Variants in RNGTT observed in about 807,000 individuals in gnomAD.
RNGTT encodes the protein RNA guanylyltransferase and 5'-phosphatase.
In RNGTT, 33 loss-of-function variants were observed where a neutral mutation model predicts 79.3. That is an observed-to-expected ratio of 0.42 (90% CI 0.32 to 0.56). The LOEUF is 0.56. Ranked by LOEUF, RNGTT falls within the 20% of genes least tolerant of loss-of-function variation. RNGTT has a pLI of 0.17. For synonymous variants in RNGTT, 222 were observed against 235.9 expected (o/e 0.94, Z 0.54); for missense variants, 497 against 739.1 (o/e 0.67, Z 3.80).
chr6:88,866,904 G>T (rs2127917548), intron 8 of RNGTT, among the ~76,000 whole-genome samples: 1 of 152,258 alleles, frequency 6.6e-6, no homozygotes, highest in African/African-American at 2.4e-5. Flanking sequence ...CTAGGTATGG[G>T]ACCTTGTAAA....
rs55649343 is a variant in RNGTT, at chr6:88,740,217, G to T, written c.1439+29557C>A. Among the ~76,000 whole-genome samples the T allele has an allele frequency of 2.7e-3, 407 of 152,066 alleles. 3 individuals carry two copies. Among genetic ancestry groups the T allele is most frequent in the African/African-American group, 9.5e-3 (396 of 41,504 alleles). On this transcript the variant is annotated intron_variant, in intron 13 of 15. Coordinates refer to ENST00000369485, the MANE Select transcript of RNGTT (RefSeq NM_003800.5). Reference sequence around the variant, plus strand: ...GAAAGGGAACAGCAGAATTAAAAGCGATCAAAAAATGAAAACGGGATCAGG... The same window carrying T: ...GAAAGGGAACAGCAGAATTAAAAGCTATCAAAAAATGAAAACGGGATCAGG...
Position 88,963,601 on chromosome 6 carries a change from C to T in RNGTT, c.-192G>A. ...TCATTCAGGATCAACTCCACAGCTC[C>T]AGGAGAACCCACAATGCACCGCAAC... On this transcript the variant is annotated 5_prime_UTR_variant, in exon 1 of 16. Coordinates refer to ENST00000369485, the MANE Select transcript of RNGTT (RefSeq NM_003800.5). 1 of 511,064 alleles carries T rather than the reference C, an allele frequency of 2.0e-6. No individual in the cohort carries two copies. Among genetic ancestry groups the T allele is most frequent in the South Asian group, 2.9e-5 (1 of 34,974 alleles). The allele number at this position is 511,064 out of a possible 1,614,324, so 31.7% of individuals were successfully genotyped here.
intron 13 of RNGTT, among the ~76,000 whole-genome samples, chr6:88,757,251 T>C (rs1778050605): frequency 6.6e-6 from 1 of 152,204 alleles, no homozygotes; most frequent in South Asian, 2.1e-4. Context: ...GGAGAAAAGA[T>C]CCACAACAAA....
Position 88,831,308 on chromosome 6 carries a change from C to T in RNGTT, c.1269+13049G>A, listed in dbSNP as rs1170287768. 3.9e-5 allele frequency among the ~76,000 whole-genome samples: 6 copies of T among 152,168 alleles called. No individual in the cohort carries two copies. In the East Asian group the frequency reaches 1.2e-3, roughly 29 times the overall value. Reference sequence around the variant, plus strand: ...ACATACGCAAATCAATAAATGTAATCCATCACATAAACAGAACCAATGACA... The same window carrying T: ...ACATACGCAAATCAATAAATGTAATTCATCACATAAACAGAACCAATGACA... On this transcript the variant is annotated intron_variant, in intron 11 of 15. Coordinates refer to ENST00000369485, the MANE Select transcript of RNGTT (RefSeq NM_003800.5).
intron 8 of RNGTT, among the ~76,000 whole-genome samples, chr6:88,873,082 AAAAG>A (rs1337084294): frequency 2.6e-5 from 4 of 152,294 alleles, no homozygotes; most frequent in East Asian, 1.9e-4. Flanking sequence ...ACAGAAAAAA[AAAAG>A]AAAGAAAGTA....
intron 13 of RNGTT, among the ~76,000 whole-genome samples, chr6:88,765,191 C>CAA (rs11286162): frequency 2.7e-4 from 23 of 84,372 alleles, no homozygotes; most frequent in African/African-American, 7.8e-4. Flanking sequence ...GACTCCATCT[C>CAA]AAAAAAAAAA....
chr6:88,788,395 C>A (rs1022482645), intron 12 of RNGTT, among the ~76,000 whole-genome samples: 1 of 151,710 alleles, frequency 6.6e-6, no homozygotes, highest in African/African-American at 2.4e-5. Context: ...GTCACAGATG[C>A]CATAAAAGAA....
chr6:88,812,441 C>T (rs1340782913), intron 11 of RNGTT, among the ~76,000 whole-genome samples: 2 of 152,208 alleles, frequency 1.3e-5, no homozygotes, highest in African/African-American at 4.8e-5. Flanking sequence ...CATCAGATTT[C>T]TAATTATTCT....
chr6:88,922,377 C>T (rs1454866011), intron 4 of RNGTT, among the ~76,000 whole-genome samples: 1 of 152,062 alleles, frequency 6.6e-6, no homozygotes, highest in East Asian at 1.9e-4. Flanking sequence ...ACAGACATGT[C>T]ATGTCACTAA....
intron 6 of RNGTT, among the ~76,000 whole-genome samples, chr6:88,900,755 TA>T (rs796368449): frequency 0.022 from 1,325 of 61,018 alleles, 19 homozygotes; most frequent in African/African-American, 0.061. Flanking sequence ...ATAAAAAGAA[TA>T]AAAAAAAAAA....
intron 14 of RNGTT, among the ~76,000 whole-genome samples, chr6:88,665,760 A>G (rs1419604090): frequency 2.6e-5 from 4 of 152,132 alleles, no homozygotes; most frequent in Non-Finnish European, 4.4e-5. Context: ...GAGACCTCCA[A>G]AAGTTTCCTG....
chr6:88,708,748 TA>T (rs1776225426), intron 13 of RNGTT, among the ~76,000 whole-genome samples: 1 of 152,156 alleles, frequency 6.6e-6, no homozygotes, highest in South Asian at 2.1e-4. Context: ...GCATTTATGC[TA>T]TTTTTTTTAA....
Position 88,664,203 on chromosome 6 carries a change from G to A in RNGTT, c.1506+14150C>T, listed in dbSNP as rs1414308393. Among the ~76,000 whole-genome samples the A allele has an allele frequency of 1.2e-4, 18 of 152,094 alleles. No homozygotes were observed. In the East Asian group the frequency reaches 2.3e-3, roughly 20 times the overall value. ...GCACTCTTAGAAGGGTTGAGGAGAGGAGCCCAAAAGGCCACAAACGTAAAC... is the reference window on the plus strand; with the variant it reads ...GCACTCTTAGAAGGGTTGAGGAGAGAAGCCCAAAAGGCCACAAACGTAAAC... On this transcript the variant is annotated intron_variant, in intron 14 of 15. Coordinates refer to ENST00000369485, the MANE Select transcript of RNGTT (RefSeq NM_003800.5).
chr6:88,629,863 G>A (rs1009134127), intron 14 of RNGTT, among the ~76,000 whole-genome samples: 1 of 152,144 alleles, frequency 6.6e-6, no homozygotes, highest in African/African-American at 2.4e-5. Flanking sequence ...TAAATGATAT[G>A]CTTGCCAGGA....
chr6:88,733,957 C>T (rs1225690667), intron 13 of RNGTT, among the ~76,000 whole-genome samples: 1 of 151,752 alleles, frequency 6.6e-6, no homozygotes, highest in East Asian at 1.9e-4. Flanking sequence ...AAAAGAAGTT[C>T]TTAACAGAGA....
At chr6:88,623,046 G>A (rs1239719198) in intron 14 of RNGTT, among the ~76,000 whole-genome samples, 2 of 152,048 alleles carry the variant, frequency 1.3e-5, no homozygotes, top group African/African-American at 4.8e-5. Context: ...TGATATTTAA[G>A]CTAAGACCCA....
At chr6:88,702,638 A>G (rs1361594968) in intron 13 of RNGTT, among the ~76,000 whole-genome samples, 4 of 152,222 alleles carry the variant, frequency 2.6e-5, no homozygotes, top group Non-Finnish European at 5.9e-5. Context: ...ACAATTCTAG[A>G]TACTGGCCTT....
rs537698523 is a variant in RNGTT, at chr6:88,908,303, TA to T, written c.368-1864del. Among the ~76,000 whole-genome samples the T allele has an allele frequency of 8.9e-4, 135 of 152,096 alleles. 1 individual carries two copies. Among genetic ancestry groups the T allele is most frequent in the Non-Finnish European group, 1.6e-3 (107 of 67,968 alleles). ...TCTTTGAAAGACATCATTAAGAATA[TA>T]AAAAAGAGTTCTAGGCAAGACGGCC... On this transcript the variant is annotated intron_variant, in intron 4 of 15. Transcript: ENST00000369485.
intron 13 of RNGTT, among the ~76,000 whole-genome samples, chr6:88,696,405 T>A (rs1775669261): frequency 6.6e-6 from 1 of 152,140 alleles, no homozygotes; most frequent in Non-Finnish European, 1.5e-5. Flanking sequence ...AATCATTAAA[T>A]ACAAAATAGT....
Sources: allele counts gnomAD v4.1 joint callset (sites outside exome capture counted in the v4.1 genomes callset), GRCh38; gene constraint gnomAD v4.1.1; transcripts MANE v1.5; gene names NCBI Gene and HGNC (gene_info 2026-07-23, HGNC 2026-07-21).